The following TANC2 variants were observed in gnomAD, a reference collection of about 807,000 sequenced individuals.
The protein encoded by TANC2 is protein TANC2.
A neutral mutation model predicts 210.5 loss-of-function variants in TANC2; 26 were observed. The observed-to-expected ratio is 0.12, with a 90% CI of 0.09 to 0.17. TANC2 has a LOEUF of 0.17. Among genes scored for constraint, TANC2 ranks in the 10% least tolerant of loss-of-function variants. The pLI is 1.00. For missense variants in TANC2, 2,129 were observed against 2,608.9 expected, an observed-to-expected ratio of 0.82 and a Z score of 4.01; for synonymous variants, 931 against 967.1, an observed-to-expected ratio of 0.96 and a Z score of 0.69.
At chr17:63,355,534 T>C in intron 14 of TANC2, 144 bp downstream of exon 14, 1 of 914,264 alleles carries the variant, frequency 1.1e-6, no homozygotes, top group Non-Finnish European at 1.6e-6. Flanking sequence ...GGCAAGGCTA[T>C]AATGAGGTTA....
intron 24 of TANC2, 125 bp from the exon 25 acceptor site, chr17:63,413,418 G>A (rs2048764547): frequency 7.9e-6 from 5 of 630,726 alleles, no homozygotes; most frequent in Middle Eastern, 5.4e-4. Context: ...TAAAAGATGA[G>A]GTACTAATTG....
chr17:63,099,465 C>T, intron 4 of TANC2, 108 bp downstream of exon 4: 1 of 745,026 alleles, frequency 1.3e-6, no homozygotes, highest in South Asian at 3.5e-5. Flanking sequence ...TCCTCTCTGG[C>T]CTTCCTAATG....
At position 63,421,508 on chromosome 17, in the gene TANC2, C is replaced by T. The variant is rs2049023994; in HGVS notation, c.5778C>T (p.Thr1926=). Residue 1926 remains threonine (T), a synonymous_variant, in exon 28 of 28, where the codon ACC becomes ACT. Coordinates refer to ENST00000689528, the Ensembl canonical transcript of TANC2. This position sits in a 1 kb window ranked among gnomAD's most constrained non-coding sequence, Gnocchi z 6.9. ...CCAGTGAGCCCACCCGATCCAGGAC[C>T]ACACCATTCATGGGGATCATAGATA... 6.2e-7 allele frequency: 1 copy of T among 1,613,868 alleles called. No homozygotes were observed. Among genetic ancestry groups the T allele is most frequent in the South Asian group, 1.1e-5 (1 of 91,086 alleles).
intron 4 of TANC2, among the ~76,000 whole-genome samples, chr17:63,108,440 G>A (rs552333624): frequency 7.9e-5 from 12 of 151,856 alleles, no homozygotes; most frequent in East Asian, 7.7e-4. Flanking sequence ...TAATTCAGCC[G>A]AGTGTAGAAC....
rs766127499 is a variant in TANC2 at position 63,421,133 on chromosome 17, C to T, written c.5403C>T (p.Ile1801=). The stretch of plus-strand genomic sequence containing the variant: ...TGAGATACAGCCAGACACCACAGAT[C>T]GGACGCAGCCAGTCAGCATCCTATT... The change falls in exon 28 of 28, where the codon ATC becomes ATT. Residue 1801 remains isoleucine (I), a synonymous_variant. Transcript: ENST00000689528. The surrounding 1 kb of genome is among the most constrained non-coding windows in gnomAD (Gnocchi z 6.9). 11 of 1,613,978 alleles carry T rather than the reference C, an allele frequency of 6.8e-6. No homozygotes were observed. Among genetic ancestry groups the T allele is most frequent in the East Asian group, 2.2e-5 (1 of 44,870 alleles).
rs536393513 is a variant in TANC2 at position 63,081,451 on chromosome 17, C to CT, written c.139+7438dup. ...TTCCATGTTTTCCTCTGAGCTCATACTGGCATATGCAAGGATGCGTATGCA... is the reference window on the plus strand; with the variant it reads ...TTCCATGTTTTCCTCTGAGCTCATACTTGGCATATGCAAGGATGCGTATGCA... On this transcript the variant is annotated intron_variant, in intron 3 of 27. Coordinates refer to ENST00000689528, the Ensembl canonical transcript of TANC2. Among the ~76,000 whole-genome samples, 6 of 152,322 alleles carry CT rather than the reference C, an allele frequency of 3.9e-5. No individual in the cohort carries two copies. The East Asian group carries it at 1.2e-3, about 29-fold the overall frequency.
intron 2 of TANC2, among the ~76,000 whole-genome samples, chr17:63,020,009 C>T (rs1164244348): frequency 6.6e-6 from 1 of 152,238 alleles, no homozygotes; most frequent in Non-Finnish European, 1.5e-5. Flanking sequence ...TCACTGCAAC[C>T]TCCCCGTCCC....
intron 4 of TANC2, among the ~76,000 whole-genome samples, chr17:63,135,510 C>G (rs1206831764): frequency 6.6e-6 from 1 of 151,802 alleles, no homozygotes; most frequent in East Asian, 1.9e-4. Context: ...AAAGAGAAGT[C>G]ATCAATCACT....
chr17:63,001,673 T>C (rs967253186), intron 1 of TANC2, among the ~76,000 whole-genome samples: 2 of 151,972 alleles, frequency 1.3e-5, no homozygotes, highest in African/African-American at 4.8e-5. Context: ...GACTCCCAAG[T>C]AGCTGGGACT....
rs371666530 is a variant in TANC2, at chr17:63,421,937, C to T, written c.6207C>T (p.Phe2069=). 15 of 1,609,598 alleles carry T rather than the reference C, an allele frequency of 9.3e-6. No homozygotes were observed. The highest frequency in any genetic ancestry group is 1.3e-5 in the Non-Finnish European group (15 of 1,177,888). Residue 2069 remains phenylalanine (F), a synonymous_variant, in exon 28 of 28, where the codon TTC becomes TTT. Coordinates refer to ENST00000689528, the Ensembl canonical transcript of TANC2. This position sits in a 1 kb window ranked among gnomAD's most constrained non-coding sequence, Gnocchi z 6.9. ...CCCCTATCAAACCAAAGAGACCGTT[C>T]GTGGAGTCTAATGTTTAAAAGACGT... is the stretch of plus-strand genomic sequence containing the variant.
intron 3 of TANC2, among the ~76,000 whole-genome samples, chr17:63,090,313 T>G (rs1429835504): frequency 1.3e-5 from 2 of 151,672 alleles, no homozygotes; most frequent in African/African-American, 4.8e-5. Context: ...GCTGCACCCA[T>G]TAACTCATCA....
chr17:63,419,558 G>A (rs1184605103), intron 27 of TANC2, among the ~76,000 whole-genome samples: 3 of 152,154 alleles, frequency 2.0e-5, no homozygotes, highest in Admixed American at 2.0e-4. Context: ...CTGAAATTTG[G>A]AGCTAAAATA....
At chr17:63,334,463 A>G (rs1276044591) in intron 11 of TANC2, among the ~76,000 whole-genome samples, 1 of 152,238 alleles carries the variant, frequency 6.6e-6, no homozygotes, top group African/African-American at 2.4e-5. Flanking sequence ...TCAATAATAA[A>G]TAAATAAATG....
At chr17:63,363,492 G>A (rs561576357) in intron 14 of TANC2, among the ~76,000 whole-genome samples, 5 of 152,184 alleles carry the variant, frequency 3.3e-5, no homozygotes, top group South Asian at 2.1e-4. Flanking sequence ...CATAGTTTCC[G>A]GTTTTAGATT....
At chr17:63,150,243 A>G (rs1034476308) in intron 4 of TANC2, 3 of 152,158 alleles carry the variant, frequency 2.0e-5, no homozygotes, top group African/African-American at 7.2e-5. Flanking sequence ...ACACTAATAT[A>G]TAATACAAAC....
intron 2 of TANC2, among the ~76,000 whole-genome samples, chr17:63,072,468 C>A (rs1475426461): frequency 6.6e-6 from 1 of 151,858 alleles, no homozygotes; most frequent in East Asian, 1.9e-4. Flanking sequence ...TCAGATAACA[C>A]CTTATTTTGT....
intron 1 of TANC2, among the ~76,000 whole-genome samples, chr17:62,991,889 G>A (rs1389477574): frequency 6.6e-6 from 1 of 152,106 alleles, no homozygotes; most frequent in East Asian, 1.9e-4. Flanking sequence ...GTCTGGATGG[G>A]TGGAGTGGTG....
At chr17:63,383,694 C>A (rs9903758) in intron 15 of TANC2, among the ~76,000 whole-genome samples, 36,702 of 152,000 alleles carry the variant, frequency 0.24, 4,531 homozygotes, top group South Asian at 0.3. Flanking sequence ...TTTATGTGAA[C>A]ATAATTTTCA....
chr17:63,173,425 A>G (rs2040476540), intron 5 of TANC2, among the ~76,000 whole-genome samples: 1 of 152,226 alleles, frequency 6.6e-6, no homozygotes, highest in African/African-American at 2.4e-5. Flanking sequence ...GGGCTTGATT[A>G]TTAACTGATG....
Sources: gnomAD v4.1 joint callset for allele counts (sites outside exome capture counted in the v4.1 genomes callset) on GRCh38, gnomAD v4.1.1 for gene constraint, Gnocchi (gnomAD v3.1) non-coding constraint, MANE v1.5 for transcripts, NCBI Gene and HGNC (gene_info 2026-07-23, HGNC 2026-07-21) for gene names.